IL1RAPL2: variants seen among roughly 807,000 people sequenced by gnomAD.
The protein encoded by IL1RAPL2 is X-linked interleukin-1 receptor accessory protein-like 2.
A neutral mutation model predicts 44.1 loss-of-function variants in IL1RAPL2; 3 were observed. The observed-to-expected ratio is 0.07, with a 90% confidence interval of 0.03 to 0.18. The LOEUF (loss-of-function observed/expected upper bound fraction) is 0.18. Ranked by LOEUF, IL1RAPL2 falls within the 10% of genes least tolerant of loss-of-function variation. The pLI is 1.00. For synonymous variants in IL1RAPL2, 181 were observed against 178.8 expected (o/e 1.01, Z -0.10); for missense variants, 391 against 496.4 (o/e 0.79, Z 2.02).
intron 6 of IL1RAPL2, among the ~76,000 whole-genome samples, chrX:105,507,508 A>G (rs1003422256): frequency 8.9e-6 from 1 of 111,754 alleles, no homozygotes; most frequent in Non-Finnish European, 1.9e-5. Flanking sequence ...AGCAAATGTG[A>G]TTTAAAAGAC....
intron 5 of IL1RAPL2, among the ~76,000 whole-genome samples, chrX:105,397,403 G>A (rs1466592857): frequency 9.1e-6 from 1 of 110,345 alleles, no homozygotes; most frequent in African/African-American, 3.3e-5. Context: ...GAAGTTTTGA[G>A]AACAGAAGGT....
At chrX:105,107,282 GA>G (rs1780245739) in intron 2 of IL1RAPL2, among the ~76,000 whole-genome samples, 1 of 112,145 alleles carries the variant, frequency 8.9e-6, no homozygotes, top group Admixed American at 9.5e-5. Context: ...GGGGCTTTGG[GA>G]AAAGCACCAG....
At chrX:104,802,577 C>G (rs1010110556) in intron 2 of IL1RAPL2, among the ~76,000 whole-genome samples, 2 of 110,699 alleles carry the variant, frequency 1.8e-5, no homozygotes, top group Non-Finnish European at 3.8e-5. Context: ...TCATTTCAGC[C>G]GCTGTATGCA....
intron 2 of IL1RAPL2, among the ~76,000 whole-genome samples, chrX:105,170,314 A>C (rs1280973263): frequency 4.5e-5 from 5 of 111,580 alleles, no homozygotes; most frequent in Non-Finnish European, 9.4e-5. Flanking sequence ...CTGAATTATC[A>C]CTTCTGATAT....
intron 7 of IL1RAPL2, among the ~76,000 whole-genome samples, chrX:105,739,617 C>G (rs1408684995): frequency 1.9e-5 from 2 of 105,056 alleles, no homozygotes; most frequent in East Asian, 6.3e-4. Flanking sequence ...TTTGTTCTTG[C>G]AATAGTTTAC....
Position 105,675,166 on chromosome X carries a change from C to A in IL1RAPL2, c.773-42201C>A, listed in dbSNP as rs548735509. ...AATACCCTTTATTTATTTCTCCTGCCTGGTTGCCTGGCCAGAACTTACAAT... is the reference window on the plus strand; with the variant it reads ...AATACCCTTTATTTATTTCTCCTGCATGGTTGCCTGGCCAGAACTTACAAT... On this transcript the variant is annotated intron_variant, in intron 6 of 10. Coordinates refer to ENST00000372582, the MANE Select transcript of IL1RAPL2 (RefSeq NM_017416.2). Among the ~76,000 whole-genome samples the A allele has an allele frequency of 5.9e-4, 66 of 111,158 alleles. No homozygotes were observed. In the Middle Eastern group the frequency reaches 0.028, roughly 46 times the overall value.
chrX:105,196,090 T>C (rs1262757096), intron 3 of IL1RAPL2, among the ~76,000 whole-genome samples: 2 of 110,726 alleles, frequency 1.8e-5, no homozygotes, highest in Non-Finnish European at 3.8e-5. Context: ...AAGACCGGCC[T>C]GACCAATATG....
chrX:105,054,175 G>A (rs998082321), intron 2 of IL1RAPL2, among the ~76,000 whole-genome samples: 3 of 109,688 alleles, frequency 2.7e-5, no homozygotes, highest in East Asian at 2.9e-4. Context: ...ACATACACAC[G>A]CATACACACA....
Position 105,271,482 on chromosome X carries a change from G to A in IL1RAPL2, c.697+3941G>A, listed in dbSNP as rs905892400. Among the ~76,000 whole-genome samples, 7 of 111,376 alleles carry A rather than the reference G, an allele frequency of 6.3e-5. No individual in the cohort carries two copies. In the Admixed American group the frequency reaches 6.7e-4, roughly 11 times the overall value. ...GCGGAGGGTTAATTGAAGTGAAAAA[G>A]TAAGACAGGAGAGTTGGTTATAAGA... On this transcript the variant is annotated intron_variant, in intron 5 of 10. Coordinates refer to ENST00000372582, the MANE Select transcript of IL1RAPL2 (RefSeq NM_017416.2).
rs187488086 is a variant in IL1RAPL2, at chrX:104,672,167, C to T, written c.82+13172C>T. Among the ~76,000 whole-genome samples the T allele has an allele frequency of 7.5e-3, 834 of 110,752 alleles. 38 individuals are homozygous for T. Among genetic ancestry groups the T allele is most frequent in the Admixed American group, 0.075 (779 of 10,405 alleles). On this transcript the variant is annotated intron_variant, in intron 2 of 10. Transcript: ENST00000372582. ...CATTGTGCAGGTTAGTTACATGTTA[C>T]ATATGTATACATGTGACATGCTGGT...
chrX:105,425,890 G>T (rs1465273218), intron 5 of IL1RAPL2, among the ~76,000 whole-genome samples: 2 of 110,090 alleles, frequency 1.8e-5, no homozygotes, highest in Admixed American at 1.9e-4. Flanking sequence ...GCCTGACTAA[G>T]CCCAGACCCC....
intron 6 of IL1RAPL2, among the ~76,000 whole-genome samples, chrX:105,623,433 T>TA (rs2037433752): frequency 9.0e-6 from 1 of 111,090 alleles, no homozygotes; most frequent in South Asian, 3.8e-4. Context: ...TTAGGCCTGA[T>TA]ACTACAGATG....
intron 6 of IL1RAPL2, among the ~76,000 whole-genome samples, chrX:105,711,618 C>T (rs2038211816): frequency 9.0e-6 from 1 of 111,292 alleles, no homozygotes; most frequent in African/African-American, 3.3e-5. Context: ...ATACCAATAG[C>T]CCCAAAGTCT....
chrX:104,876,232 C>T (rs1262496136), intron 2 of IL1RAPL2, among the ~76,000 whole-genome samples: 2 of 111,629 alleles, frequency 1.8e-5, no homozygotes, highest in Non-Finnish European at 3.8e-5. Flanking sequence ...GCAACAGTCA[C>T]ACTTGCTGCC....
rs571110211 is a variant in IL1RAPL2, at chrX:104,978,274, G to A, written c.83-217201G>A. ...ATCAAAATAGTGGTTACCTCATGGT[G>A]TGGGAGTAGGAATGGGAATACAAGA... is the stretch of plus-strand genomic sequence containing the variant. On this transcript the variant is annotated intron_variant, in intron 2 of 10. Coordinates refer to ENST00000372582, the MANE Select transcript of IL1RAPL2 (RefSeq NM_017416.2). Among the ~76,000 whole-genome samples the A allele has an allele frequency of 1.2e-4, 14 of 112,279 alleles. No homozygotes were observed. The Middle Eastern group carries it at 0.018, about 147-fold the overall frequency.
intron 6 of IL1RAPL2, among the ~76,000 whole-genome samples, chrX:105,663,249 A>G (rs2037733673): frequency 8.9e-6 from 1 of 112,235 alleles, no homozygotes; most frequent in Admixed American, 9.4e-5. Context: ...AAATATATGT[A>G]CATCCTAGTC....
At chrX:105,228,275 T>C (rs1556191659) in intron 3 of IL1RAPL2, among the ~76,000 whole-genome samples, 1 of 112,221 alleles carries the variant, frequency 8.9e-6, no homozygotes, top group Non-Finnish European at 1.9e-5. Flanking sequence ...TTAGGAAAGT[T>C]TCAACTATAT....
chrX:104,700,970 T>C (rs1931264702), intron 2 of IL1RAPL2, among the ~76,000 whole-genome samples: 1 of 111,994 alleles, frequency 8.9e-6, no homozygotes, highest in African/African-American at 3.2e-5. Context: ...TTCTTTGAAG[T>C]TTGAGGATTC....
chrX:105,213,512 T>G (rs1603011666), intron 3 of IL1RAPL2, among the ~76,000 whole-genome samples: 1 of 110,880 alleles, frequency 9.0e-6, no homozygotes, highest in African/African-American at 3.3e-5. Context: ...TTGGTGTACC[T>G]GAAAGTGACG....
Sources: gnomAD v4.1 joint callset for allele counts (sites outside exome capture counted in the v4.1 genomes callset) on GRCh38, gnomAD v4.1.1 for gene constraint, MANE v1.5 for transcripts, NCBI Gene and HGNC (gene_info 2026-07-23, HGNC 2026-07-21) for gene names.